CORO1B: variants seen among roughly 807,000 people sequenced by gnomAD.
The protein encoded by CORO1B is coronin-1B.
CORO1B carries 30 observed loss-of-function variants against 51.1 expected under a neutral mutation model. The ratio of observed to expected loss-of-function variants is 0.59; its 90% confidence interval spans 0.44 to 0.80. The LOEUF (loss-of-function observed/expected upper bound fraction) is 0.80, where lower values mean the gene tolerates loss of function less well. Ranked by LOEUF, CORO1B falls within the 30% of genes least tolerant of loss-of-function variation. CORO1B has a pLI of 0.00. For missense variants in CORO1B, 648 were observed against 700.4 expected, an observed-to-expected ratio of 0.93 and a Z score of 0.84; for synonymous variants, 310 against 289.7, an observed-to-expected ratio of 1.07 and a Z score of -0.71.
rs568796867 is a variant in CORO1B at position 67,437,820 on chromosome 11, C to T, written c.*556G>A. ...GTCTCTCTGGAGGAGGCTGGGCTGC[C>T]GGGCCTGTCCTCCAAGGAAGAAGCA... On this transcript the variant is annotated 3_prime_UTR_variant, in exon 11 of 11. Transcript: ENST00000341356. The T allele has an allele frequency of 5.4e-4, 239 of 441,058 alleles. 1 individual carries two copies. Among genetic ancestry groups the T allele is most frequent in the Non-Finnish European group, 8.5e-4 (223 of 263,288 alleles). The allele number at this position is 441,058 out of a possible 1,614,324, so 27.3% of individuals were successfully genotyped here.
Position 67,437,594 on chromosome 11 carries a change from AC to A in CORO1B, c.*781del. On this transcript the variant is annotated 3_prime_UTR_variant, in exon 11 of 11. Coordinates refer to ENST00000341356, the MANE Select transcript of CORO1B (RefSeq NM_020441.3). ...ACCGCCTGTGGCCCCCATCCCAAGA[AC>A]CCGGGGGGCTCCGAGGCTTACCATT... 1.5e-6 allele frequency: 2 copies of A among 1,349,138 alleles called. No individual in the cohort carries two copies. Among genetic ancestry groups the A allele is most frequent in the Non-Finnish European group, 1.9e-6 (2 of 1,041,538 alleles). 83.6% of individuals were successfully genotyped at this position (1,349,138 alleles called of 1,614,324 possible).
In CORO1B at chr11:67,436,076, G is replaced by T. The variant is rs529242025; in HGVS notation, c.*2300C>A. 1.2e-6 allele frequency: 2 copies of T among 1,612,376 alleles called. No homozygotes were observed. The highest frequency in any genetic ancestry group is 1.7e-5 in the Admixed American group (1 of 59,924). ...GTCTGTGGACCCCAGCTCAGCTCGG[G>T]CCTGCAGCCAGCGACCTGGGGGGCT... is the stretch of plus-strand genomic sequence containing the variant. On this transcript the variant is annotated 3_prime_UTR_variant, in exon 11 of 11. Transcript: ENST00000341356.
rs746842693 is a variant in CORO1B at position 67,441,390 on chromosome 11, T to C, written c.579A>G (p.Ser193=). 6.2e-7 allele frequency: 1 copy of C among 1,613,834 alleles called. No homozygotes were observed. Among genetic ancestry groups the C allele is most frequent in the South Asian group, 1.1e-5 (1 of 91,088 alleles). The part of the protein sequence containing the change: ...SWNHNGSLFC[S]ACKDKSVRII... The stretch of plus-strand genomic sequence containing the variant: ...TGCGCACGCTCTTGTCCTTGCATGC[T>C]GAGCAAAACAGGCTGCCATTGTGGT... Residue 193 remains serine (S), a synonymous_variant, in exon 5 of 11, where the codon TCA becomes TCG. Transcript: ENST00000341356.
chr11:67,443,676 C>T (rs1864441531), upstream of CORO1B: 1 of 960,156 alleles, frequency 1.0e-6, no homozygotes. Context: ...CGCAGCTCCT[C>T]CGGAAGAAGG....
At position 67,436,149 on chromosome 11, in the gene CORO1B, G is replaced by A. The variant is rs762585213; in HGVS notation, c.*2227C>T. The A allele has an allele frequency of 3.8e-6, 6 of 1,570,434 alleles. No individual in the cohort carries two copies. Among genetic ancestry groups the A allele is most frequent in the African/African-American group, 2.7e-5 (2 of 74,196 alleles). ...CGGCCCCACAGCGCGGCACCTAGGC[G>A]GGCCGGGTGGTAGTAGCCCCCTGAG... On this transcript the variant is annotated 3_prime_UTR_variant, in exon 11 of 11. Transcript: ENST00000341356.
chr11:67,437,503 T>C lies in CORO1B; in HGVS notation c.*873A>G. On this transcript the variant is annotated 3_prime_UTR_variant, in exon 11 of 11. Coordinates refer to ENST00000341356, the MANE Select transcript of CORO1B (RefSeq NM_020441.3). ...GCCTCTGCCATACTCCTCTTAGGTC[T>C]CACCTCTTCCCTGGGGCCAATGTGG... 1 of 1,217,914 alleles carries C rather than the reference T, an allele frequency of 8.2e-7. No homozygotes were observed. Among genetic ancestry groups the C allele is most frequent in the East Asian group, 2.8e-5 (1 of 35,180 alleles). The allele number at this position is 1,217,914 out of a possible 1,614,324, so 75.4% of individuals were successfully genotyped here.
chr11:67,441,080 G>A lies in CORO1B; in HGVS notation c.756+45C>T. On this transcript the variant is annotated intron_variant, in intron 6 of 10. Transcript: ENST00000341356. ...GTGAACCCTGCCTGCCTGGCCCAGG[G>A]TGGGGCCCAAGTCTCAAGTTTGCCC... 4 of 1,612,432 alleles carry A rather than the reference G, an allele frequency of 2.5e-6. No individual in the cohort carries two copies. In the South Asian group the frequency reaches 3.3e-5, roughly 13 times the overall value.
rs1864248743 is a variant in CORO1B at position 67,435,599 on chromosome 11, T to G, written c.*2777A>C. ...CGTGGTGAGCGGGGTACACATGGAC[T>G]TGGGAACTGGTAGGGGGTGACAGTC... On this transcript the variant is annotated 3_prime_UTR_variant, in exon 11 of 11. Transcript: ENST00000341356. 2.9e-6 allele frequency: 4 copies of G among 1,361,984 alleles called. No homozygotes were observed. Among genetic ancestry groups the G allele is most frequent in the Non-Finnish European group, 3.9e-6 (4 of 1,020,500 alleles). 84.4% of individuals were successfully genotyped at this position (1,361,984 alleles called of 1,614,324 possible).
Position 67,442,053 on chromosome 11 carries a change from A to G in CORO1B, c.237T>C (p.Cys79=). 1 of 1,612,962 alleles carries G rather than the reference A, an allele frequency of 6.2e-7. No individual in the cohort carries two copies. The highest frequency in any genetic ancestry group is 8.5e-7 in the Non-Finnish European group (1 of 1,179,960). ...GRIDKAYPTV[C]GHTGPVLDID... is the part of the protein sequence containing the mutation. ...TGTCCAGGACAGGTCCCGTGTGCCC[A>G]CACACCGTCGGGTAGGCCTTGTCAA... The change falls in exon 3 of 11, where the codon TGT becomes TGC. Residue 79 remains cysteine (C), a synonymous_variant. Transcript: ENST00000341356.
rs1190986476 is a variant in CORO1B, at chr11:67,437,203, TG to T, written c.*1172del. ...GCCACAGGCGTGCAGGGCCGGGGGC[TG>T]GGGGGGGCTGGGGGAGGCGGGCGCA... On this transcript the variant is annotated 3_prime_UTR_variant, in exon 11 of 11. Coordinates refer to ENST00000341356, the MANE Select transcript of CORO1B (RefSeq NM_020441.3). 34 of 141,186 alleles carry T rather than the reference TG, an allele frequency of 2.4e-4. No homozygotes were observed. The highest frequency in any genetic ancestry group is 3.7e-4 in the Admixed American group (5 of 13,626). The allele number at this position is 141,186 out of a possible 1,614,324, so 8.7% of individuals were successfully genotyped here.
chr11:67,440,380 C>T lies in CORO1B; in HGVS notation c.816G>A (p.Leu272=), dbSNP rs771013841. 11 of 1,613,766 alleles carry T rather than the reference C, an allele frequency of 6.8e-6. No individual in the cohort carries two copies. The East Asian group carries it at 2.2e-4, about 33-fold the overall frequency. Reference sequence around the variant, plus strand: ...CACTGGTGTCGGGGTCGTAGAAGGGCAGCAGGGCCCCGTTGCTCGAGTCCA... The same window carrying T: ...CACTGGTGTCGGGGTCGTAGAAGGGTAGCAGGGCCCCGTTGCTCGAGTCCA... ...QELDSSNGAL[L]PFYDPDTSVV... The change falls in exon 7 of 11, where the codon CTG becomes CTA. Residue 272 remains leucine (L), a synonymous_variant. Transcript: ENST00000341356.
At chr11:67,439,751 A>G (rs1269496742) in intron 9 of CORO1B, 35 bp downstream of exon 9, 7 of 1,563,414 alleles carry the variant, frequency 4.5e-6, no homozygotes. Flanking sequence ...TTGCTGGAGA[A>G]AGGGCCAAGT....
chr11:67,438,934 C>T lies in CORO1B; in HGVS notation c.1081G>A (p.Asp361Asn). 1 of 1,603,164 alleles carries T rather than the reference C, an allele frequency of 6.2e-7. No individual in the cohort carries two copies. The highest frequency in any genetic ancestry group is 8.5e-7 in the Non-Finnish European group (1 of 1,173,982). ...TVPRKSDLFQ[D>N]DLYPDTAGPE... ...CCGGCTGTGTCGGGGTACAGATCAT[C>T]CTGGAAGAGGTCCGACTGGGCAGGG... The change falls in exon 10 of 11, where the codon GAT becomes AAT. Residue 361 changes from aspartate to asparagine, a missense_variant. Physicochemically the swap from Asp to Asn is conservative, Grantham distance 23. Coordinates refer to ENST00000341356, the MANE Select transcript of CORO1B (RefSeq NM_020441.3).
chr11:67,439,883 G>T, intron 8 of CORO1B, 40 bp from the exon 9 acceptor site: 3 of 1,509,478 alleles, frequency 2.0e-6, no homozygotes, highest in African/African-American at 1.4e-5. Flanking sequence ...AACCCTCACC[G>T]CCCCCCCCAC....
intron 1 of CORO1B, 126 bp from the exon 2 acceptor site, chr11:67,442,756 G>A (rs1415510222): frequency 1.1e-6 from 1 of 891,096 alleles, no homozygotes; most frequent in African/African-American, 1.7e-5. Flanking sequence ...CTGGGTCTCG[G>A]TTTACCCAGT....
Position 67,442,037 on chromosome 11 carries a change from C to T in CORO1B, c.253G>A (p.Val85Ile), listed in dbSNP as rs1301498106. 2 of 1,613,112 alleles carry T rather than the reference C, an allele frequency of 1.2e-6. No individual in the cohort carries two copies. The highest frequency in any genetic ancestry group is 1.7e-6 in the Non-Finnish European group (2 of 1,180,024). Residue 85 changes from valine (V) to isoleucine (I), a missense_variant, in exon 3 of 11, where the codon GTC becomes ATC. Transcript: ENST00000341356. Reference protein sequence around the residue: ...YPTVCGHTGPVLDIDWCPHND... With the variant: ...YPTVCGHTGPILDIDWCPHND... ...TGAGGACACCAGTCGATGTCCAGGA[C>T]AGGTCCCGTGTGCCCACACACCGTC... is the stretch of plus-strand genomic sequence containing the variant.
rs771618598 is a variant in CORO1B, at chr11:67,437,669, G to C, written c.*707C>G. On this transcript the variant is annotated 3_prime_UTR_variant, in exon 11 of 11. Coordinates refer to ENST00000341356, the MANE Select transcript of CORO1B (RefSeq NM_020441.3). ...GGCACCCACCTCCAGCTCTGGCTGT[G>C]TCGAGCGAGAAGTGAGCTCAGTGCT... 20 of 1,352,410 alleles carry C rather than the reference G, an allele frequency of 1.5e-5. No individual in the cohort carries two copies. Among genetic ancestry groups the C allele is most frequent in the Middle Eastern group, 2.0e-4 (1 of 5,020 alleles). The allele number at this position is 1,352,410 out of a possible 1,614,324, so 83.8% of individuals were successfully genotyped here.
Position 67,440,365 on chromosome 11 carries a change from G to C in CORO1B, c.831C>G (p.Pro277=), listed in dbSNP as rs746032302. Residue 277 remains proline (P), a synonymous_variant, in exon 7 of 11, where the codon CCC becomes CCG. Transcript: ENST00000341356. ...SNGALLPFYD[P]DTSVVYVCGK... ...CGCAGACGTAGACCACACTGGTGTC[G>C]GGGTCGTAGAAGGGCAGCAGGGCCC... 6 of 1,613,830 alleles carry C rather than the reference G, an allele frequency of 3.7e-6. No homozygotes were observed. In the South Asian group the frequency reaches 6.6e-5, roughly 18 times the overall value.
In CORO1B at chr11:67,438,752, C is replaced by T. The variant is rs560903102; in HGVS notation, c.1263G>A (p.Pro421=). ...VLSDSRPAMA[P]GSSHLGAPAS... ...CGGGGGCCCCTAGGTGGGAGGAGCC[C>T]GGGGCCATGGCGGGCCGGCTGTCAG... The change falls in exon 10 of 11, where the codon CCG becomes CCA. Residue 421 remains proline (P), a synonymous_variant. Transcript: ENST00000341356. 62 of 1,563,030 alleles carry T rather than the reference C, an allele frequency of 4.0e-5. No individual in the cohort carries two copies. Among genetic ancestry groups the T allele is most frequent in the Admixed American group, 2.4e-4 (13 of 53,658 alleles).
Sources: gnomAD v4.1 joint callset for allele counts on GRCh38, gnomAD v4.1.1 for gene constraint, MANE v1.5 for transcripts, NCBI Gene and HGNC (gene_info 2026-07-23, HGNC 2026-07-21) for gene names.